KLF6: variants seen among roughly 807,000 people sequenced by gnomAD.
KLF6 encodes Krueppel-like factor 6.
For missense variants in KLF6, 233 were observed against 359.8 expected (o/e 0.65, Z 2.85); for synonymous variants, 152 against 147.9 (o/e 1.03, Z -0.20).
chr10:3,782,865 C>G lies in KLF6; in HGVS notation c.103-651G>C, dbSNP rs1832563814. ...GCCTATGTTTTCACAGAATGCCGTT[C>G]CCAAGTGCAGGCCCTTGCATGACAC... On this transcript the variant is annotated intron_variant, in intron 1 of 3. Transcript: ENST00000497571. This position sits in a 1 kb window ranked among gnomAD's most constrained non-coding sequence, Gnocchi z 4.3. Among the ~76,000 whole-genome samples the G allele has an allele frequency of 6.6e-6, 1 of 152,220 alleles. No individual in the cohort carries two copies. The highest frequency in any genetic ancestry group is 2.4e-5 in the African/African-American group (1 of 41,450).
chr10:3,778,091 G>A lies in KLF6; in HGVS notation c.*1448C>T. 1 of 516,330 alleles carries A rather than the reference G, an allele frequency of 1.9e-6. No individual in the cohort carries two copies. The highest frequency in any genetic ancestry group is 1.5e-5 in the South Asian group (1 of 65,022). 32.0% of individuals were successfully genotyped at this position (516,330 alleles called of 1,614,324 possible). A position where few individuals can be genotyped will look rare whatever the true frequency, so the allele number is the denominator to read the frequency against. On this transcript the variant is annotated 3_prime_UTR_variant, in exon 4 of 4. Transcript: ENST00000497571. ...TTTCCATTTTAACACTGACAGTCAA[G>A]TTGCCTAAAGTGTTGAACAAATACT...
In KLF6 at chr10:3,780,950, TAAGAG is replaced by T. The variant is rs68192277; in HGVS notation, c.676+686_676+690del. 53,223 of 160,520 alleles carry T rather than the reference TAAGAG, an allele frequency of 0.33. 9,292 individuals are homozygous for T. The highest frequency in any genetic ancestry group is 0.49 in the East Asian group (2,693 of 5,464). The allele number at this position is 160,520 out of a possible 1,614,324, so 9.9% of individuals were successfully genotyped here. On this transcript the variant is annotated intron_variant, in intron 2 of 3. Coordinates refer to ENST00000497571, the MANE Select transcript of KLF6 (RefSeq NM_001300.6). The surrounding 1 kb of genome is among the most constrained non-coding windows in gnomAD (Gnocchi z 4.6). Reference sequence around the variant, plus strand: ...TCTCAGCAATTTGCTCTCCTACTGATAAGAGAAGAGCCTGCATCACGTGATCACTA... The same window carrying T: ...TCTCAGCAATTTGCTCTCCTACTGATAAGAGCCTGCATCACGTGATCACTA...
chr10:3,776,140 G>C lies in KLF6; in HGVS notation c.*3399C>G. On this transcript the variant is annotated 3_prime_UTR_variant, in exon 4 of 4. Transcript: ENST00000497571. ...GCCAGGTGTGTGGCAGGGCTGGCTG[G>C]GGAAGGTAGGCCCAGCTCTAGCTGC... 2 of 530,288 alleles carry C rather than the reference G, an allele frequency of 3.8e-6. No individual in the cohort carries two copies. The highest frequency in any genetic ancestry group is 7.3e-6 in the Non-Finnish European group (2 of 273,702). The allele number at this position is 530,288 out of a possible 1,614,324, so 32.8% of individuals were successfully genotyped here.
At position 3,777,070 on chromosome 10, in the gene KLF6, C is replaced by T; in HGVS notation, c.*2469G>A. 1 of 515,964 alleles carries T rather than the reference C, an allele frequency of 1.9e-6. No homozygotes were observed. Among genetic ancestry groups the T allele is most frequent in the Non-Finnish European group, 3.8e-6 (1 of 264,920 alleles). 32.0% of individuals were successfully genotyped at this position (515,964 alleles called of 1,614,324 possible). A position where few individuals can be genotyped will look rare whatever the true frequency, so the allele number is the denominator to read the frequency against. On this transcript the variant is annotated 3_prime_UTR_variant, in exon 4 of 4. Transcript: ENST00000497571. Reference sequence around the variant, plus strand: ...TCTGAACTGCCAAAAGAAAACTGCACTTCCCCTCTTAAGTAAAACGAAATG... The same window carrying T: ...TCTGAACTGCCAAAAGAAAACTGCATTTCCCCTCTTAAGTAAAACGAAATG...
chr10:3,776,880 A>T lies in KLF6; in HGVS notation c.*2659T>A. On this transcript the variant is annotated 3_prime_UTR_variant, in exon 4 of 4. Transcript: ENST00000497571. ...GGTACCCAGCCCCACCCAGGCAAAC[A>T]GCTCCGACATGTTTCGTAAGTGAGA... is the stretch of plus-strand genomic sequence containing the variant. The T allele has an allele frequency of 1.9e-6, 1 of 524,584 alleles. No individual in the cohort carries two copies. Among genetic ancestry groups the T allele is most frequent in the African/African-American group, 1.9e-5 (1 of 53,152 alleles). The allele number at this position is 524,584 out of a possible 1,614,324, so 32.5% of individuals were successfully genotyped here.
chr10:3,783,718 T>TA (rs1230730433), intron 1 of KLF6, among the ~76,000 whole-genome samples: 1 of 152,224 alleles, frequency 6.6e-6, no homozygotes, highest in Admixed American at 6.5e-5. Flanking sequence ...GAGATCTTGT[T>TA]AAACTTTAAT....
Position 3,776,999 on chromosome 10 carries a change from G to C in KLF6, c.*2540C>G, listed in dbSNP as rs756979026. On this transcript the variant is annotated 3_prime_UTR_variant, in exon 4 of 4. Transcript: ENST00000497571. ...AATTGTTATGGCTAAGCACATAGAA[G>C]GCCAAAAAAGGAGTTTTCCAAACCC... The C allele has an allele frequency of 1.9e-6, 1 of 514,490 alleles. No individual in the cohort carries two copies. The highest frequency in any genetic ancestry group is 3.8e-6 in the Non-Finnish European group (1 of 264,928). 31.9% of individuals were successfully genotyped at this position (514,490 alleles called of 1,614,324 possible). A position where few individuals can be genotyped will look rare whatever the true frequency, so the allele number is the denominator to read the frequency against.
rs1220204607 is a variant in KLF6 at position 3,776,024 on chromosome 10, C to T, written c.*3515G>A. The T allele has an allele frequency of 2.1e-6, 1 of 483,258 alleles. No homozygotes were observed. Among genetic ancestry groups the T allele is most frequent in the Admixed American group, 2.5e-5 (1 of 40,434 alleles). 29.9% of individuals were successfully genotyped at this position (483,258 alleles called of 1,614,324 possible). The stretch of plus-strand genomic sequence containing the variant: ...CAGTGATGTCATCTTTTATTTTCTG[C>T]CCTCCTTGACTGAGAGTGGGCTGAG... On this transcript the variant is annotated 3_prime_UTR_variant, in exon 4 of 4. Coordinates refer to ENST00000497571, the MANE Select transcript of KLF6 (RefSeq NM_001300.6).
chr10:3,784,064 C>A (rs779489424), intron 1 of KLF6, among the ~76,000 whole-genome samples: 1 of 152,194 alleles, frequency 6.6e-6, no homozygotes, highest in South Asian at 2.1e-4. Flanking sequence ...TCTGGCAATT[C>A]ACTTTGTGAC....
In KLF6 at chr10:3,782,702, G is replaced by A. The variant is rs1251401027; in HGVS notation, c.103-488C>T. Among the ~76,000 whole-genome samples the A allele has an allele frequency of 6.6e-6, 1 of 152,214 alleles. No individual in the cohort carries two copies. Among genetic ancestry groups the A allele is most frequent in the Non-Finnish European group, 1.5e-5 (1 of 68,044 alleles). On this transcript the variant is annotated intron_variant, in intron 1 of 3. Transcript: ENST00000497571. This position sits in a 1 kb window ranked among gnomAD's most constrained non-coding sequence, Gnocchi z 4.3. ...ACAGAAAGACTGCACGGCACACAGC[G>A]TGTTCTGAGGGACCCCCTTGGGGAC...
chr10:3,781,256 T>A lies in KLF6; in HGVS notation c.676+385A>T. 1.6e-6 allele frequency: 1 copy of A among 626,278 alleles called. No individual in the cohort carries two copies. The highest frequency in any genetic ancestry group is 2.6e-6 in the Non-Finnish European group (1 of 379,134). The allele number at this position is 626,278 out of a possible 1,614,324, so 38.8% of individuals were successfully genotyped here. ...CACGCTGCCCAGCAACCCTCTGTCCTGACCCTTGAGTTTCATTTAGGAAAC... is the reference window on the plus strand; with the variant it reads ...CACGCTGCCCAGCAACCCTCTGTCCAGACCCTTGAGTTTCATTTAGGAAAC... On this transcript the variant is annotated intron_variant, in intron 2 of 3. Transcript: ENST00000497571. The surrounding 1 kb of genome is among the most constrained non-coding windows in gnomAD (Gnocchi z 5.8).
rs761329730 is a variant in KLF6, at chr10:3,779,516, A to G, written c.*23T>C. ...TCTCAGCCTGGAAGCCTTTTAGCCT[A>G]CAGGATCCACCTCTCTGCTCCCTCA... is the stretch of plus-strand genomic sequence containing the variant. On this transcript the variant is annotated 3_prime_UTR_variant, in exon 4 of 4. Transcript: ENST00000497571. 6 of 1,607,390 alleles carry G rather than the reference A, an allele frequency of 3.7e-6. No individual in the cohort carries two copies. The East Asian group carries it at 1.1e-4, about 30-fold the overall frequency.
rs1323900005 is a variant in KLF6, at chr10:3,777,456, G to A, written c.*2083C>T. 2 of 510,976 alleles carry A rather than the reference G, an allele frequency of 3.9e-6. No individual in the cohort carries two copies. The highest frequency in any genetic ancestry group is 4.5e-5 in the Admixed American group (2 of 44,196). The allele number at this position is 510,976 out of a possible 1,614,324, so 31.7% of individuals were successfully genotyped here. On this transcript the variant is annotated 3_prime_UTR_variant, in exon 4 of 4. Coordinates refer to ENST00000497571, the MANE Select transcript of KLF6 (RefSeq NM_001300.6). Reference sequence around the variant, plus strand: ...GCTGAAATTCAAAATCAAAACCTTAGTGTGTCCGAGTCCAGCCTGGGTTCC... The same window carrying A: ...GCTGAAATTCAAAATCAAAACCTTAATGTGTCCGAGTCCAGCCTGGGTTCC...
chr10:3,781,230 C>G lies in KLF6; in HGVS notation c.676+411G>C. On this transcript the variant is annotated intron_variant, in intron 2 of 3. Coordinates refer to ENST00000497571, the MANE Select transcript of KLF6 (RefSeq NM_001300.6). This position sits in a 1 kb window ranked among gnomAD's most constrained non-coding sequence, Gnocchi z 5.8. ...GCCGTCAGCATCAAACCCACACACTCCACGCTGCCCAGCAACCCTCTGTCC... is the reference window on the plus strand; with the variant it reads ...GCCGTCAGCATCAAACCCACACACTGCACGCTGCCCAGCAACCCTCTGTCC... 1 of 496,416 alleles carries G rather than the reference C, an allele frequency of 2.0e-6. No homozygotes were observed. The highest frequency in any genetic ancestry group is 3.5e-6 in the Non-Finnish European group (1 of 288,014). 30.8% of individuals were successfully genotyped at this position (496,416 alleles called of 1,614,324 possible).
At position 3,778,779 on chromosome 10, in the gene KLF6, TTC is replaced by T. The variant is rs1338145235; in HGVS notation, c.*758_*759del. 1.9e-6 allele frequency: 1 copy of T among 531,312 alleles called. No homozygotes were observed. The highest frequency in any genetic ancestry group is 1.9e-5 in the African/African-American group (1 of 53,728). 32.9% of individuals were successfully genotyped at this position (531,312 alleles called of 1,614,324 possible). A position where few individuals can be genotyped will look rare whatever the true frequency, so the allele number is the denominator to read the frequency against. ...CCCAGACCATGCATGACTTTTTGTATTCTAAGGAAAAGTTAAATTGTTGTGTT... is the reference window on the plus strand; with the variant it reads ...CCCAGACCATGCATGACTTTTTGTATTAAGGAAAAGTTAAATTGTTGTGTT... On this transcript the variant is annotated 3_prime_UTR_variant, in exon 4 of 4. Coordinates refer to ENST00000497571, the MANE Select transcript of KLF6 (RefSeq NM_001300.6).
intron 3 of KLF6, 49 bp from the exon 4 acceptor site, chr10:3,779,639 G>C (rs572632864): frequency 6.4e-7 from 1 of 1,574,380 alleles, no homozygotes; most frequent in East Asian, 2.2e-5. Context: ...CCCATCCCTT[G>C]CCAGTGTTCT....
In KLF6 at chr10:3,780,745, T is replaced by C. The variant is rs1042647702; in HGVS notation, c.677-516A>G. 6 of 204,510 alleles carry C rather than the reference T, an allele frequency of 2.9e-5. No individual in the cohort carries two copies. Among genetic ancestry groups the C allele is most frequent in the Admixed American group, 1.0e-4 (2 of 19,156 alleles). The allele number at this position is 204,510 out of a possible 1,614,324, so 12.7% of individuals were successfully genotyped here. On this transcript the variant is annotated intron_variant, in intron 2 of 3. Coordinates refer to ENST00000497571, the MANE Select transcript of KLF6 (RefSeq NM_001300.6). The surrounding 1 kb of genome is among the most constrained non-coding windows in gnomAD (Gnocchi z 4.6). ...CCCGGAATCATTCTCTAAATGGCAA[T>C]TGAACAACTGGGTTCACTTCATTCC...
chr10:3,781,727 C>T lies in KLF6; in HGVS notation c.590G>A (p.Arg197Lys). 1 of 1,614,238 alleles carries T rather than the reference C, an allele frequency of 6.2e-7. No homozygotes were observed. Among genetic ancestry groups the T allele is most frequent in the South Asian group, 1.1e-5 (1 of 91,092 alleles). Residue 197 changes from arginine to lysine, a missense_variant, in exon 2 of 4, where the codon AGG becomes AAG. By Grantham distance (26) the Arg-to-Lys change is conservative (BLOSUM62 2). Coordinates refer to ENST00000497571, the MANE Select transcript of KLF6 (RefSeq NM_001300.6). This position sits in a 1 kb window ranked among gnomAD's most constrained non-coding sequence, Gnocchi z 5.8. Reference protein sequence around the residue: ...GNGDASPDGRRRVHRCHFNGC... With the variant: ...GNGDASPDGRKRVHRCHFNGC... Reference sequence around the variant, plus strand: ...GTTAAAGTGGCACCGGTGCACCCTCCTCCTGCCGTCGGGGGAGGCATCGCC... The same window carrying T: ...GTTAAAGTGGCACCGGTGCACCCTCTTCCTGCCGTCGGGGGAGGCATCGCC...
chr10:3,779,962 A>AAG, intron 3 of KLF6, 144 bp downstream of exon 3: 1 of 1,092,578 alleles, frequency 9.2e-7, no homozygotes, highest in Non-Finnish European at 1.4e-6. Context: ...AAACTTTCTA[A>AAG]AAAGTCCCAG....
Sources: allele counts gnomAD v4.1 joint callset (sites outside exome capture counted in the v4.1 genomes callset), GRCh38; gene constraint gnomAD v4.1.1; non-coding constraint Gnocchi (gnomAD v3.1); transcripts MANE v1.5; gene names NCBI Gene and HGNC (gene_info 2026-07-23, HGNC 2026-07-21).